Variants in COPS7B observed in about 807,000 individuals in gnomAD.
COPS7B encodes COP9 signalosome subunit 7B, also known as COP9 signalosome complex subunit 7b.
Under a neutral mutation model 33.4 loss-of-function variants are expected in COPS7B, and 9 were observed. The ratio of observed to expected loss-of-function variants is 0.27; its 90% CI spans 0.16 to 0.47. COPS7B has a LOEUF of 0.47. Among genes scored for constraint, COPS7B ranks in the 20% least tolerant of loss-of-function variants. The pLI, the probability that COPS7B is intolerant of heterozygous loss-of-function variation, is 0.99. For missense variants in COPS7B, 242 were observed against 318.2 expected (o/e 0.76, Z 1.82); for synonymous variants, 119 against 126.3 (o/e 0.94, Z 0.39).
intron 6 of COPS7B, among the ~76,000 whole-genome samples, chr2:231,799,488 G>A (rs1461724263): frequency 6.6e-6 from 1 of 152,240 alleles, no homozygotes; most frequent in African/African-American, 2.4e-5. Flanking sequence ...ACGGAAAGAA[G>A]AAAGGGATAA....
At chr2:231,785,080 G>C (rs908623284), upstream of COPS7B, among the ~76,000 whole-genome samples, 1 of 152,160 alleles carries the variant, frequency 6.6e-6, no homozygotes, top group African/African-American at 2.4e-5. Context: ...CAAAGTGCTG[G>C]GATTACAGGC....
chr2:231,787,532 T>C (rs1205968457), intron 1 of COPS7B, among the ~76,000 whole-genome samples: 2 of 152,270 alleles, frequency 1.3e-5, no homozygotes, highest in Non-Finnish European at 2.9e-5. Flanking sequence ...GATACAATAT[T>C]TTCACTGTTT....
chr2:231,785,556 A>G (rs1436339501), upstream of COPS7B, among the ~76,000 whole-genome samples: 2 of 151,888 alleles, frequency 1.3e-5, no homozygotes, highest in Non-Finnish European at 2.9e-5. Flanking sequence ...GCTTTGTTTT[A>G]TCTTCATATA....
chr2:231,805,431 A>T (rs58438311), intron 6 of COPS7B, among the ~76,000 whole-genome samples: 25,019 of 118,428 alleles, frequency 0.21, 2,283 homozygotes, highest in Middle Eastern at 0.29. Context: ...ATATATATAT[A>T]TTTTTTTTTA....
chr2:231,801,105 A>G (rs1272694360), intron 6 of COPS7B: 1 of 1,547,644 alleles, frequency 6.5e-7, no homozygotes. Context: ...TTGTCAACTG[A>G]TTGGTGATCT....
At chr2:231,805,599 G>C (rs1303089417) in intron 6 of COPS7B, among the ~76,000 whole-genome samples, 1 of 151,542 alleles carries the variant, frequency 6.6e-6, no homozygotes, top group Admixed American at 6.6e-5. Context: ...GAATAGCTAG[G>C]ACTATAGGCA....
chr2:231,786,447 A>G lies in COPS7B; in HGVS notation c.-108A>G. The G allele has an allele frequency of 3.0e-6, 3 of 985,964 alleles. No homozygotes were observed. The highest frequency in any genetic ancestry group is 3.6e-6 in the Non-Finnish European group (3 of 830,050). The allele number at this position is 985,964 out of a possible 1,614,324, so 61.1% of individuals were successfully genotyped here. On this transcript the variant is annotated 5_prime_UTR_variant, in exon 1 of 7. Transcript: ENST00000350033. ...GTCGGCGGAGACAGAAAAGCGCCGG[A>G]CGCCGGGGTGATCATGGACGCTTGA...
intron 2 of COPS7B, chr2:231,791,497 G>A (rs2049414820): frequency 3.8e-6 from 2 of 528,988 alleles, no homozygotes; most frequent in Admixed American, 6.7e-5. Context: ...CGTTGGGCAT[G>A]CTGTATAGAA....
Position 231,808,134 on chromosome 2 carries a change from T to G in COPS7B, c.*489T>G. 3.9e-6 allele frequency: 1 copy of G among 254,082 alleles called. No homozygotes were observed. The highest frequency in any genetic ancestry group is 7.8e-6 in the Non-Finnish European group (1 of 128,700). The allele number at this position is 254,082 out of a possible 1,614,324, so 15.7% of individuals were successfully genotyped here. A position where few individuals can be genotyped will look rare whatever the true frequency, so the allele number is the denominator to read the frequency against. On this transcript the variant is annotated 3_prime_UTR_variant, in exon 7 of 7. Coordinates refer to ENST00000350033, the MANE Select transcript of COPS7B (RefSeq NM_022730.4). ...TTTCTAGCCAGGCGTCAAGATGCGCTGCTTTCCCTCTCCTGCCTCATCCCT... is the reference window on the plus strand; with the variant it reads ...TTTCTAGCCAGGCGTCAAGATGCGCGGCTTTCCCTCTCCTGCCTCATCCCT...
chr2:231,785,628 T>C (rs1462914335), upstream of COPS7B, among the ~76,000 whole-genome samples: 1 of 152,270 alleles, frequency 6.6e-6, no homozygotes, highest in Non-Finnish European at 1.5e-5. Flanking sequence ...AGTTGGTTGA[T>C]GCTAGGCTCC....
rs774802524 is a variant in COPS7B, at chr2:231,792,422, A to G, written c.238+614A>G. On this transcript the variant is annotated intron_variant, in intron 3 of 6. Transcript: ENST00000350033. ...CAGCAGAATTGCTTGAACCTGGGAG[A>G]TAGAGACTGTAGTAAGCTGAGATTG... 133 of 221,680 alleles carry G rather than the reference A, an allele frequency of 6.0e-4. 1 individual carries two copies. The highest frequency in any genetic ancestry group is 1.4e-3 in the Admixed American group (27 of 19,040). 13.7% of individuals were successfully genotyped at this position (221,680 alleles called of 1,614,324 possible). A position where few individuals can be genotyped will look rare whatever the true frequency, so the allele number is the denominator to read the frequency against.
At chr2:231,805,413 T>TTATA (rs72268376) in intron 6 of COPS7B, among the ~76,000 whole-genome samples, 8 of 131,452 alleles carry the variant, frequency 6.1e-5, no homozygotes, top group African/African-American at 1.8e-4. Flanking sequence ...TCCCTGTTTA[T>TTATA]TATATATATA....
In COPS7B at chr2:231,791,774, C is replaced by T; in HGVS notation, c.204C>T (p.Asn68=). The T allele has an allele frequency of 6.2e-7, 1 of 1,614,078 alleles. No individual in the cohort carries two copies. The highest frequency in any genetic ancestry group is 1.1e-5 in the South Asian group (1 of 91,076). ...ATGCTGCTTATTTGCAGTTGTTGAA[C>T]CTGTTTGCCTATGGGACATACCCAG... ...GANAAYLQLL[N]LFAYGTYPDY... Residue 68 remains asparagine (N), a synonymous_variant, in exon 3 of 7, where the codon AAC becomes AAT. Transcript: ENST00000350033.
At chr2:231,799,834 G>A (rs2049691294) in intron 6 of COPS7B, among the ~76,000 whole-genome samples, 1 of 152,142 alleles carries the variant, frequency 6.6e-6, no homozygotes, top group African/African-American at 2.4e-5. Context: ...ATGAGTAGAT[G>A]GTGCCTTTCA....
At chr2:231,793,991 A>G in intron 3 of COPS7B, 1 of 413,846 alleles carries the variant, frequency 2.4e-6, no homozygotes, top group South Asian at 3.1e-5. Flanking sequence ...CACAAGGGGC[A>G]CAAATAGTAC....
At chr2:231,794,597 A>G (rs963533321) in intron 4 of COPS7B, among the ~76,000 whole-genome samples, 1 of 152,234 alleles carries the variant, frequency 6.6e-6, no homozygotes, top group African/African-American at 2.4e-5. Flanking sequence ...ATGTGGCATG[A>G]TCATTTTGCC....
In COPS7B at chr2:231,805,431, AT is replaced by A. The variant is rs1031515713; in HGVS notation, c.637-2047del. Reference sequence around the variant, plus strand: ...CTGTTTATTATATATATATATATATATTTTTTTTTAAATTTTATATATATAT... The same window carrying A: ...CTGTTTATTATATATATATATATATATTTTTTTTAAATTTTATATATATAT... On this transcript the variant is annotated intron_variant, in intron 6 of 6. Coordinates refer to ENST00000350033, the MANE Select transcript of COPS7B (RefSeq NM_022730.4). 6.7e-3 allele frequency among the ~76,000 whole-genome samples: 801 copies of A among 118,816 alleles called. 6 individuals carry two copies. The highest frequency in any genetic ancestry group is 0.022 in the African/African-American group (743 of 33,236). 77.9% of individuals were successfully genotyped at this position (118,816 alleles called of 152,430 possible).
chr2:231,795,979 A>AT, intron 4 of COPS7B, 127 bp from the exon 5 acceptor site: 2 of 688,500 alleles, frequency 2.9e-6, no homozygotes, highest in Non-Finnish European at 5.0e-6. Context: ...TGCCCTAGCT[A>AT]TTAATAATTA....
intron 1 of COPS7B, among the ~76,000 whole-genome samples, chr2:231,786,941 T>A (rs2049265914): frequency 6.6e-6 from 1 of 152,170 alleles, no homozygotes; most frequent in South Asian, 2.1e-4. Flanking sequence ...CAGGCTTTGC[T>A]CCTTAAGCCG....
Sources: gnomAD v4.1 joint callset for allele counts (sites outside exome capture counted in the v4.1 genomes callset) on GRCh38, gnomAD v4.1.1 for gene constraint, MANE v1.5 for transcripts, NCBI Gene and HGNC (gene_info 2026-07-23, HGNC 2026-07-21) for gene names.